The following ARSB variants were observed in gnomAD, a reference collection of about 807,000 sequenced individuals.
The protein encoded by ARSB is N-acetylgalactosamine-4-sulfatase.
A neutral mutation model predicts 50.9 loss-of-function variants in ARSB; 41 were observed. The ratio of observed to expected loss-of-function variants is 0.81; its 90% CI spans 0.63 to 1.04. The LOEUF (loss-of-function observed/expected upper bound fraction) is 1.04. Among genes scored for constraint, ARSB ranks in the 50% least tolerant of loss-of-function variants. The pLI, the probability that ARSB is intolerant of heterozygous loss-of-function variation, is 0.00. For missense variants in ARSB, 672 were observed against 693.3 expected (o/e 0.97, Z 0.35); for synonymous variants, 269 against 284.8 (o/e 0.94, Z 0.56).
In ARSB at chr5:78,823,469, A is replaced by C. The variant is rs116372934; in HGVS notation, c.1213+15887T>G. 4.1e-3 allele frequency among the ~76,000 whole-genome samples: 617 copies of C among 152,342 alleles called. 5 individuals carry two copies. Among genetic ancestry groups the C allele is most frequent in the African/African-American group, 0.014 (588 of 41,574 alleles). ...TTTTGGGGTTTGCCTATACCCATCCATAGTACTTCCGCAAGATCAGAGGAA... is the reference window on the plus strand; with the variant it reads ...TTTTGGGGTTTGCCTATACCCATCCCTAGTACTTCCGCAAGATCAGAGGAA... On this transcript the variant is annotated intron_variant, in intron 6 of 7. Transcript: ENST00000264914.
intron 4 of ARSB, among the ~76,000 whole-genome samples, chr5:78,894,897 G>A (rs1361098682): frequency 6.6e-6 from 1 of 152,156 alleles, no homozygotes; most frequent in South Asian, 2.1e-4. Flanking sequence ...TCCCAAGCAG[G>A]TGAGGAGGCC....
At chr5:78,955,551 A>G (rs1252359010) in intron 3 of ARSB, 49 bp from the exon 4 acceptor site, 1 of 1,453,070 alleles carries the variant, frequency 6.9e-7, no homozygotes, top group Non-Finnish European at 9.7e-7. Flanking sequence ...TGAAGCATTA[A>G]ATATAGAAGG....
At chr5:78,856,199 A>G (rs1321963316) in intron 5 of ARSB, among the ~76,000 whole-genome samples, 1 of 152,178 alleles carries the variant, frequency 6.6e-6, no homozygotes, top group South Asian at 2.1e-4. Context: ...TCAAAAATGC[A>G]ATCTGATTTT....
chr5:78,941,645 G>A (rs1468253739), intron 4 of ARSB, among the ~76,000 whole-genome samples: 1 of 152,154 alleles, frequency 6.6e-6, no homozygotes, highest in Non-Finnish European at 1.5e-5. Context: ...CTTGATCATG[G>A]TGGATAAGCT....
At chr5:78,930,745 C>G (rs1750285800) in intron 4 of ARSB, among the ~76,000 whole-genome samples, 1 of 152,226 alleles carries the variant, frequency 6.6e-6, no homozygotes, top group Non-Finnish European at 1.5e-5. Flanking sequence ...CTGCCAAAGA[C>G]AGCAAGAGAA....
intron 5 of ARSB, among the ~76,000 whole-genome samples, chr5:78,862,819 A>G (rs1696955034): frequency 6.6e-6 from 1 of 152,210 alleles, no homozygotes; most frequent in Non-Finnish European, 1.5e-5. Flanking sequence ...TGAACAGGCA[A>G]CCTACAGAAT....
intron 4 of ARSB, among the ~76,000 whole-genome samples, chr5:78,911,342 C>A (rs1329857961): frequency 2.0e-5 from 3 of 151,918 alleles, no homozygotes; most frequent in Admixed American, 2.0e-4. Context: ...GGGAGGCCAA[C>A]GCAGATGGAT....
At chr5:78,801,796 G>T (rs1743403723) in intron 6 of ARSB, among the ~76,000 whole-genome samples, 1 of 152,010 alleles carries the variant, frequency 6.6e-6, no homozygotes, top group African/African-American at 2.4e-5. Context: ...GCCTTGGCAG[G>T]TCATTAAAAA....
At chr5:78,966,710 C>T (rs1452325270) in intron 2 of ARSB, among the ~76,000 whole-genome samples, 2 of 152,100 alleles carry the variant, frequency 1.3e-5, no homozygotes, top group Non-Finnish European at 2.9e-5. Context: ...TTTTAAGTAC[C>T]TAACTTGGTT....
intron 5 of ARSB, among the ~76,000 whole-genome samples, chr5:78,861,975 A>G (rs1320118853): frequency 6.6e-6 from 1 of 152,182 alleles, no homozygotes; most frequent in Non-Finnish European, 1.5e-5. Flanking sequence ...CAAATAACAG[A>G]CAAACAGAGA....
In ARSB at chr5:78,859,531, G is replaced by T. The variant is rs142248698; in HGVS notation, c.1143-20105C>A. Among the ~76,000 whole-genome samples, 342 of 152,196 alleles carry T rather than the reference G, an allele frequency of 2.2e-3. 2 individuals are homozygous for T. Among genetic ancestry groups the T allele is most frequent in the African/African-American group, 7.7e-3 (320 of 41,522 alleles). On this transcript the variant is annotated intron_variant, in intron 5 of 7. Coordinates refer to ENST00000264914, the MANE Select transcript of ARSB (RefSeq NM_000046.5). The stretch of plus-strand genomic sequence containing the variant: ...AAGATGAAAACTGGCAACAGCGTTG[G>T]AAACTAAAGAGAAGACCATATGCCA...
chr5:78,915,502 A>G (rs926815166), intron 4 of ARSB, among the ~76,000 whole-genome samples: 5 of 152,242 alleles, frequency 3.3e-5, no homozygotes, highest in African/African-American at 1.2e-4. Context: ...AGAAAGGTCA[A>G]ATAGGCTTTC....
chr5:78,811,636 C>T (rs980696947), intron 6 of ARSB, among the ~76,000 whole-genome samples: 2 of 152,222 alleles, frequency 1.3e-5, no homozygotes, highest in Admixed American at 1.3e-4. Context: ...ATTGTAGCGG[C>T]TCAACATAAA....
intron 6 of ARSB, among the ~76,000 whole-genome samples, chr5:78,822,805 T>G (rs1744289171): frequency 6.6e-6 from 1 of 152,160 alleles, no homozygotes. Context: ...GCCCAGCTAA[T>G]TTTTGTATTT....
At chr5:78,894,536 T>G (rs1748477971) in intron 4 of ARSB, among the ~76,000 whole-genome samples, 1 of 152,172 alleles carries the variant, frequency 6.6e-6, no homozygotes, top group Non-Finnish European at 1.5e-5. Context: ...TTCTAAAGGA[T>G]CTCACTGATG....
chr5:78,954,212 A>C (rs983848408), intron 4 of ARSB, among the ~76,000 whole-genome samples: 1 of 152,174 alleles, frequency 6.6e-6, no homozygotes, highest in Non-Finnish European at 1.5e-5. Context: ...CAATTCCAAA[A>C]TAAATCATAT....
At chr5:78,868,810 C>T (rs899849513) in intron 5 of ARSB, among the ~76,000 whole-genome samples, 1 of 143,664 alleles carries the variant, frequency 7.0e-6, no homozygotes, top group East Asian at 2.0e-4. Flanking sequence ...TCACACATAA[C>T]AATATTAACT....
chr5:78,856,901 G>C (rs1258317231), intron 5 of ARSB, among the ~76,000 whole-genome samples: 1 of 152,058 alleles, frequency 6.6e-6, no homozygotes, highest in African/African-American at 2.4e-5. Context: ...ATTGTCTTTG[G>C]GAGCAAAGCC....
chr5:78,863,687 C>T (rs1316637219), intron 5 of ARSB, among the ~76,000 whole-genome samples: 1 of 152,052 alleles, frequency 6.6e-6, no homozygotes, highest in East Asian at 1.9e-4. Flanking sequence ...AGGACACCAA[C>T]ATGGCACATG....
Sources: allele counts gnomAD v4.1 joint callset (sites outside exome capture counted in the v4.1 genomes callset), GRCh38; gene constraint gnomAD v4.1.1; transcripts MANE v1.5; gene names NCBI Gene and HGNC (gene_info 2026-07-23, HGNC 2026-07-21).